Variants in SNTG1 observed in about 807,000 individuals in gnomAD.
The protein encoded by SNTG1 is syntrophin gamma 1.
A neutral mutation model predicts 74.7 loss-of-function variants in SNTG1; 39 were observed. The ratio of observed to expected loss-of-function variants is 0.52; its 90% CI spans 0.40 to 0.68. The LOEUF (loss-of-function observed/expected upper bound fraction) is 0.68, where lower values mean the gene tolerates loss of function less well. SNTG1 is among the 30% of genes least tolerant of loss of function. The pLI is 0.00. For synonymous variants in SNTG1, 254 were observed against 217.1 expected (o/e 1.17, Z -1.49); for missense variants, 685 against 609.5 (o/e 1.12, Z -1.30).
chr8:50,253,359 G>A (rs1586850906), intron 2 of SNTG1, among the ~76,000 whole-genome samples: 2 of 152,080 alleles, frequency 1.3e-5, no homozygotes, highest in Admixed American at 6.6e-5. Flanking sequence ...GGAGGCAGAG[G>A]TGACTGTGAG....
At chr8:50,626,791 A>G (rs1158919818) in intron 13 of SNTG1, among the ~76,000 whole-genome samples, 1 of 152,146 alleles carries the variant, frequency 6.6e-6, no homozygotes, top group Non-Finnish European at 1.5e-5. Context: ...CATCAGGAAC[A>G]TGTCAGTGCA....
intron 12 of SNTG1, among the ~76,000 whole-genome samples, chr8:50,578,066 A>G (rs1025343466): frequency 1.3e-5 from 2 of 152,216 alleles, no homozygotes; most frequent in Non-Finnish European, 2.9e-5. Flanking sequence ...TTCTGATAAC[A>G]CTTGTTAGGG....
At chr8:50,412,222 C>T (rs1433640826) in intron 4 of SNTG1, among the ~76,000 whole-genome samples, 1 of 151,936 alleles carries the variant, frequency 6.6e-6, no homozygotes, top group African/African-American at 2.4e-5. Flanking sequence ...TTTATTTTAC[C>T]TTTAAAATAA....
intron 2 of SNTG1, among the ~76,000 whole-genome samples, chr8:50,242,627 C>G (rs761541184): frequency 6.6e-6 from 1 of 151,084 alleles, no homozygotes; most frequent in African/African-American, 2.4e-5. Context: ...AATATGTACA[C>G]ATTCCAACTT....
intron 12 of SNTG1, among the ~76,000 whole-genome samples, chr8:50,577,687 G>A (rs1563601344): frequency 6.6e-6 from 1 of 152,114 alleles, no homozygotes; most frequent in African/African-American, 2.4e-5. Flanking sequence ...GCAAGAATGT[G>A]TCAAATCTTA....
At chr8:50,069,319 C>T (rs998903817) in intron 1 of SNTG1, among the ~76,000 whole-genome samples, 4 of 152,076 alleles carry the variant, frequency 2.6e-5, no homozygotes, top group African/African-American at 9.7e-5. Context: ...ATCACAAAAT[C>T]CACAAGTGCT....
intron 4 of SNTG1, among the ~76,000 whole-genome samples, chr8:50,416,772 T>C (rs909473473): frequency 1.3e-5 from 2 of 152,146 alleles, no homozygotes; most frequent in Non-Finnish European, 2.9e-5. Flanking sequence ...GACATCCATG[T>C]GATTTAATGC....
chr8:50,145,528 T>TTG (rs2081829220), intron 1 of SNTG1, among the ~76,000 whole-genome samples: 1 of 152,156 alleles, frequency 6.6e-6, no homozygotes, highest in Non-Finnish European at 1.5e-5. Context: ...TTGGGCCCTT[T>TTG]TGTAGACTTA....
intron 1 of SNTG1, among the ~76,000 whole-genome samples, chr8:50,092,254 C>A (rs945193574): frequency 1.3e-5 from 2 of 152,088 alleles, no homozygotes; most frequent in Non-Finnish European, 2.9e-5. Flanking sequence ...ATACAAAGAC[C>A]TTAATTAGAT....
chr8:50,007,636 T>C (rs1815366204), intron 1 of SNTG1, among the ~76,000 whole-genome samples: 1 of 152,042 alleles, frequency 6.6e-6, no homozygotes, highest in Admixed American at 6.6e-5. Flanking sequence ...AGGTCATGAG[T>C]GATTCCTGAA....
At chr8:50,538,448 T>C (rs550206002) in intron 11 of SNTG1, among the ~76,000 whole-genome samples, 2 of 152,258 alleles carry the variant, frequency 1.3e-5, no homozygotes, top group East Asian at 3.9e-4. Context: ...CTAATTCCCT[T>C]AGTTTTCATT....
chr8:50,678,954 A>G (rs920107756), intron 15 of SNTG1, among the ~76,000 whole-genome samples: 1 of 152,074 alleles, frequency 6.6e-6, no homozygotes, highest in South Asian at 2.1e-4. Flanking sequence ...ATATGTGTAT[A>G]TGTGTGTTTT....
chr8:50,410,630 T>C (rs1483211573), intron 4 of SNTG1, among the ~76,000 whole-genome samples: 2 of 152,214 alleles, frequency 1.3e-5, no homozygotes, highest in African/African-American at 4.8e-5. Context: ...GTTCATTTTA[T>C]AACTGAAAGT....
At chr8:50,638,443 A>T (rs774734182) in intron 13 of SNTG1, among the ~76,000 whole-genome samples, 1 of 152,146 alleles carries the variant, frequency 6.6e-6, no homozygotes. Flanking sequence ...ATATAATAAA[A>T]TTGATTTTCC....
chr8:50,436,265 A>G (rs1294566407), intron 4 of SNTG1, among the ~76,000 whole-genome samples: 1 of 152,138 alleles, frequency 6.6e-6, no homozygotes, highest in Non-Finnish European at 1.5e-5. Flanking sequence ...TCATACAAGA[A>G]TTTTAGTTTA....
chr8:50,308,951 T>TC (rs2090002999), intron 2 of SNTG1, among the ~76,000 whole-genome samples: 2 of 143,152 alleles, frequency 1.4e-5, no homozygotes, highest in African/African-American at 5.2e-5. Flanking sequence ...GTGTTATAAC[T>TC]AGGAAGCAAT....
At chr8:50,044,302 A>G (rs920794578) in intron 1 of SNTG1, among the ~76,000 whole-genome samples, 1 of 152,214 alleles carries the variant, frequency 6.6e-6, no homozygotes, top group Admixed American at 6.5e-5. Context: ...GGGACGACCA[A>G]CCTTTTTACC....
intron 13 of SNTG1, among the ~76,000 whole-genome samples, chr8:50,623,081 A>G (rs2094933734): frequency 6.6e-6 from 1 of 151,994 alleles, no homozygotes; most frequent in Non-Finnish European, 1.5e-5. Flanking sequence ...TGTGTGTGGA[A>G]TCTTTAGGAT....
At position 50,693,496 on chromosome 8, in the gene SNTG1, C is replaced by A. The variant is rs188862897; in HGVS notation, c.1039-11104C>A. Among the ~76,000 whole-genome samples the A allele has an allele frequency of 2.0e-5, 3 of 152,102 alleles. No individual in the cohort carries two copies. The East Asian group carries it at 5.8e-4, about 29-fold the overall frequency. On this transcript the variant is annotated intron_variant, in intron 15 of 18. Coordinates refer to ENST00000642720, the MANE Select transcript of SNTG1 (RefSeq NM_018967.5). ...ATATATAAAGCCAATATTAAAGGAC[C>A]TGAAAAGAGAAATGAATTGCAATAT...
Sources: allele counts gnomAD v4.1 joint callset (sites outside exome capture counted in the v4.1 genomes callset), GRCh38; gene constraint gnomAD v4.1.1; transcripts MANE v1.5; gene names NCBI Gene and HGNC (gene_info 2026-07-23, HGNC 2026-07-21).